PTBP3: variants seen among roughly 807,000 people sequenced by gnomAD.
The protein encoded by PTBP3 is polypyrimidine tract-binding protein 3.
A neutral mutation model predicts 58.7 loss-of-function variants in PTBP3; 20 were observed. The observed-to-expected ratio is 0.34, with a 90% CI of 0.24 to 0.50. The LOEUF (loss-of-function observed/expected upper bound fraction) is 0.50, where lower values mean the gene tolerates loss of function less well. PTBP3 is among the 20% of genes least tolerant of loss of function. PTBP3 has a pLI of 0.98. For synonymous variants in PTBP3, 185 were observed against 219.8 expected, an observed-to-expected ratio of 0.84 and a Z score of 1.40; for missense variants, 509 against 637.2, an observed-to-expected ratio of 0.80 and a Z score of 2.17.
intron 1 of PTBP3, chr9:112,333,116 G>A (rs1275231799): frequency 4.0e-6 from 5 of 1,258,188 alleles, no homozygotes; most frequent in African/African-American, 1.6e-5. Flanking sequence ...TTTCTGAGAG[G>A]AAGTGTCGGG....
chr9:112,370,584 G>A, the PTBP3 span, among the ~76,000 whole-genome samples: 4 of 152,002 alleles, frequency 2.6e-5, no homozygotes, highest in Admixed American at 1.3e-4. Flanking sequence ...CAATTGTGTT[G>A]TTCTTTTTCA....
chr9:112,308,364 A>C (rs1419137215), intron 1 of PTBP3, among the ~76,000 whole-genome samples: 6 of 151,606 alleles, frequency 4.0e-5, no homozygotes, highest in East Asian at 1.9e-4. Flanking sequence ...AAAAAAAAAA[A>C]AAAAAAAAAA....
the PTBP3 span, among the ~76,000 whole-genome samples, chr9:112,358,606 T>C: frequency 6.6e-6 from 1 of 152,226 alleles, no homozygotes; most frequent in South Asian, 2.1e-4. Flanking sequence ...AGGCTTTTTA[T>C]GGCAAATACC....
At chr9:112,368,223 T>C in the PTBP3 span, among the ~76,000 whole-genome samples, 3 of 152,192 alleles carry the variant, frequency 2.0e-5, no homozygotes, top group African/African-American at 7.2e-5. Context: ...CAGGCTGGAG[T>C]ACAATGGTGC....
At chr9:112,358,184 C>T in the PTBP3 span, among the ~76,000 whole-genome samples, 1 of 152,042 alleles carries the variant, frequency 6.6e-6, no homozygotes, top group Non-Finnish European at 1.5e-5. Context: ...GTGGCAGGTG[C>T]CTTTAATCCC....
At chr9:112,259,241 C>T (rs1262742996) in intron 5 of PTBP3, among the ~76,000 whole-genome samples, 1 of 152,176 alleles carries the variant, frequency 6.6e-6, no homozygotes, top group Non-Finnish European at 1.5e-5. Context: ...GCGTGAGCCA[C>T]CACACCTGGC....
upstream of PTBP3, among the ~76,000 whole-genome samples, chr9:112,337,572 G>C (rs979882019): frequency 6.6e-6 from 1 of 152,180 alleles, no homozygotes; most frequent in East Asian, 1.9e-4. Flanking sequence ...CTATATACTG[G>C]CTTCTTGATA....
intron 5 of PTBP3, among the ~76,000 whole-genome samples, chr9:112,255,312 G>A (rs573668832): frequency 6.6e-6 from 1 of 152,086 alleles, no homozygotes; most frequent in Non-Finnish European, 1.5e-5. Context: ...GAAAAACAAT[G>A]TGAATATACT....
At chr9:112,292,701 C>G (rs1032130405) in intron 2 of PTBP3, among the ~76,000 whole-genome samples, 2 of 152,104 alleles carry the variant, frequency 1.3e-5, no homozygotes, top group Non-Finnish European at 2.9e-5. Flanking sequence ...CATGATTCCA[C>G]TTATATGAGG....
rs777082684 is a variant in PTBP3 at position 112,223,606 on chromosome 9, G to A, written c.*245C>T. ...ATTATTGAAAAAAAATTTTTTTCCT[G>A]ATTTTCTTTTTCCTGAAGGTTATTT... On this transcript the variant is annotated 3_prime_UTR_variant, in exon 14 of 14. Transcript: ENST00000374257. The A allele has an allele frequency of 1.6e-4, 185 of 1,192,398 alleles. No individual in the cohort carries two copies. The highest frequency in any genetic ancestry group is 3.4e-4 in the Middle Eastern group (1 of 2,946). The allele number at this position is 1,192,398 out of a possible 1,614,324, so 73.9% of individuals were successfully genotyped here.
chr9:112,297,910 A>T lies in PTBP3; in HGVS notation c.-45T>A. 6.2e-7 allele frequency: 1 copy of T among 1,612,088 alleles called. No individual in the cohort carries two copies. On this transcript the variant is annotated 5_prime_UTR_variant, in exon 2 of 14. Transcript: ENST00000374257. ...ATGCCAGAAGAAAGAAGCTCATCAG[A>T]TCCCCGCTGAAAAGCAAAACCAATG...
rs546486942 is a variant in PTBP3, at chr9:112,251,946, G to C, written c.627+732C>G. On this transcript the variant is annotated intron_variant, in intron 6 of 13. Transcript: ENST00000374257. ...GCCAGACACTGTGTGGTACACAAAA[G>C]TACCACAAGCCATAGTCCTCATCTT... is the stretch of plus-strand genomic sequence containing the variant. Among the ~76,000 whole-genome samples, 4 of 152,174 alleles carry C rather than the reference G, an allele frequency of 2.6e-5. No homozygotes were observed. In the East Asian group the frequency reaches 7.7e-4, roughly 29 times the overall value.
At chr9:112,311,943 T>G (rs768186159) in intron 1 of PTBP3, among the ~76,000 whole-genome samples, 1 of 152,092 alleles carries the variant, frequency 6.6e-6, no homozygotes, top group Non-Finnish European at 1.5e-5. Flanking sequence ...CTGGGCAACA[T>G]AGTGAAATCC....
chr9:112,337,810 A>C (rs1214079878), upstream of PTBP3, among the ~76,000 whole-genome samples: 1 of 152,258 alleles, frequency 6.6e-6, no homozygotes, highest in Non-Finnish European at 1.5e-5. Context: ...AAGGCATTCC[A>C]GTAGGCAGTG....
rs369665704 is a variant in PTBP3 at position 112,318,758 on chromosome 9, C to CA, written c.-52+14711dup. 8.3e-3 allele frequency among the ~76,000 whole-genome samples: 886 copies of CA among 106,550 alleles called. 2 individuals carry two copies. The highest frequency in any genetic ancestry group is 0.018 in the Middle Eastern group (3 of 170). The allele number at this position is 106,550 out of a possible 152,430, so 69.9% of individuals were successfully genotyped here. A position where few individuals can be genotyped will look rare whatever the true frequency, so the allele number is the denominator to read the frequency against. On this transcript the variant is annotated intron_variant, in intron 1 of 13. Transcript: ENST00000374257. ...CTGGGCAACAGAGTGAGACTGTCTCCAAAAAAAAAAAAAAATTGAGATATT... is the reference window on the plus strand; with the variant it reads ...CTGGGCAACAGAGTGAGACTGTCTCCAAAAAAAAAAAAAAAATTGAGATATT...
chr9:112,297,838 C>A lies in PTBP3; in HGVS notation c.28G>T (p.Val10Leu). The A allele has an allele frequency of 6.4e-7, 1 of 1,557,640 alleles. No homozygotes were observed. The highest frequency in any genetic ancestry group is 1.2e-5 in the South Asian group (1 of 82,072). ...AAAAAAAAAAAAAACTCACCATACA[C>A]ACCTGTAGAAGGAGTAGAACTATTC... The part of the protein sequence containing the change: MNSSTPSTG[V>L]YANGNDSKKF... Residue 10 changes from valine (V) to leucine (L), a missense_variant, in exon 2 of 14, where the codon GTG becomes TTG. Val to Leu is a conservative substitution (Grantham distance 32). This residue lies in a region of PTBP3 where 212 missense variants were observed against 215.3 expected (regional missense o/e 0.98). Transcript: ENST00000374257.
At chr9:112,238,120 A>C (rs1445234634) in intron 7 of PTBP3, among the ~76,000 whole-genome samples, 2 of 152,138 alleles carry the variant, frequency 1.3e-5, no homozygotes, top group Admixed American at 6.5e-5. Context: ...CCACAAAAAA[A>C]CCCAAAAAGT....
intron 7 of PTBP3, among the ~76,000 whole-genome samples, chr9:112,246,488 A>AT (rs1401191762): frequency 6.6e-6 from 1 of 151,686 alleles, no homozygotes; most frequent in Non-Finnish European, 1.5e-5. Flanking sequence ...AGGTCAGGAG[A>AT]TTGAGACCAT....
chr9:112,349,474 A>T, the PTBP3 span, among the ~76,000 whole-genome samples: 1 of 152,148 alleles, frequency 6.6e-6, no homozygotes, highest in African/African-American at 2.4e-5. Flanking sequence ...AGTTGGTCAG[A>T]AGCATGGGGA....
Sources: allele counts gnomAD v4.1 joint callset (sites outside exome capture counted in the v4.1 genomes callset), GRCh38; gene constraint gnomAD v4.1.1; regional missense constraint gnomAD v4.1.1; transcripts MANE v1.5; gene names NCBI Gene and HGNC (gene_info 2026-07-23, HGNC 2026-07-21).